Variants in REPS2 observed in about 807,000 individuals in gnomAD.
REPS2 encodes ralBP1-associated Eps domain-containing protein 2.
REPS2 carries 23 observed loss-of-function variants against 53.6 expected under a neutral mutation model. That is an observed-to-expected ratio of 0.43 (90% CI 0.31 to 0.61). REPS2 has a LOEUF of 0.61. Ranked by LOEUF, REPS2 falls within the 20% of genes least tolerant of loss-of-function variation. The pLI is 0.11. For synonymous variants in REPS2, 238 were observed against 218.6 expected (o/e 1.09, Z -0.78); for missense variants, 446 against 534.9 (o/e 0.83, Z 1.64).
chrX:17,006,257 T>A lies in REPS2; in HGVS notation c.310T>A (p.Phe104Ile), dbSNP rs1426550935. Residue 104 changes from phenylalanine (F) to isoleucine (I), a missense_variant, in exon 2 of 18, where the codon TTT becomes ATT. Phe to Ile is a conservative substitution (Grantham distance 21). Transcript: ENST00000357277. ...GTGTGGTGCAAAGCGGGTTGGTTAT[T>A]TTGGTCCAACACAGTTTTACATTGC... ...ELCGAKRVGY[F>I]GPTQFYIALK... 2.5e-6 allele frequency: 3 copies of A among 1,210,623 alleles called. No homozygotes were observed. Among genetic ancestry groups the A allele is most frequent in the Non-Finnish European group, 2.2e-6 (2 of 894,276 alleles).
the REPS2 span, among the ~76,000 whole-genome samples, chrX:17,192,192 GC>G: frequency 2.7e-5 from 3 of 112,613 alleles, no homozygotes; most frequent in Non-Finnish European, 3.7e-5. Flanking sequence ...CGATGTGTGT[GC>G]GTGTGTGTGT....
chrX:16,982,708 G>A (rs1243156219), intron 1 of REPS2, among the ~76,000 whole-genome samples: 1 of 112,041 alleles, frequency 8.9e-6, no homozygotes, highest in Non-Finnish European at 1.9e-5. Context: ...GTGAGGGGAA[G>A]TGATGTGTGC....
intron 13 of REPS2, among the ~76,000 whole-genome samples, chrX:17,088,715 C>A (rs1342817040): frequency 9.2e-6 from 1 of 108,821 alleles, no homozygotes; most frequent in African/African-American, 3.4e-5. Flanking sequence ...TCCCGAGTAG[C>A]TGGGACTACA....
At chrX:17,104,284 G>A (rs188656426) in intron 14 of REPS2, among the ~76,000 whole-genome samples, 9 of 111,872 alleles carry the variant, frequency 8.0e-5, no homozygotes, top group Admixed American at 2.8e-4. Context: ...GATAGCAGGA[G>A]GGGGAGAACA....
chrX:17,140,735 ATATTATTATTAT>A (rs199967140), intron 17 of REPS2, among the ~76,000 whole-genome samples: 2,681 of 89,603 alleles, frequency 0.03, 49 homozygotes, highest in African/African-American at 0.065. Flanking sequence ...GCATGCACAA[ATATTATTATTAT>A]TATTATTATT....
intron 14 of REPS2, among the ~76,000 whole-genome samples, chrX:17,117,741 G>T (rs1273245787): frequency 2.7e-5 from 3 of 109,392 alleles, no homozygotes; most frequent in African/African-American, 6.7e-5. Context: ...ACATACGTGT[G>T]CATGTGTCTT....
At chrX:17,071,417 A>T (rs759556895) in intron 11 of REPS2, among the ~76,000 whole-genome samples, 3 of 107,006 alleles carry the variant, frequency 2.8e-5, no homozygotes, top group Non-Finnish European at 3.8e-5. Flanking sequence ...CCTCTGGGGC[A>T]TGAGCTTTAG....
chrX:17,006,297 C>T lies in REPS2; in HGVS notation c.350C>T (p.Ala117Val). The change falls in exon 2 of 18, where the codon GCT becomes GTT. Residue 117 changes from alanine to valine, a missense_variant. Physicochemically the swap from Ala to Val is moderately conservative, Grantham distance 64. Transcript: ENST00000357277. ...TQFYIALKLI[A>V]AAQSGLPVRI... is the part of the protein sequence containing the mutation. ...TTTTACATTGCCCTGAAATTAATTG[C>T]TGCAGCACAATCTGGCCTCCCGGTA... 8.3e-7 allele frequency: 1 copy of T among 1,209,703 alleles called. No homozygotes were observed. Among genetic ancestry groups the T allele is most frequent in the Non-Finnish European group, 1.1e-6 (1 of 893,553 alleles).
chrX:17,096,736 AC>A (rs963733367), intron 13 of REPS2, among the ~76,000 whole-genome samples: 3 of 110,021 alleles, frequency 2.7e-5, no homozygotes, highest in Non-Finnish European at 5.7e-5. Context: ...AATGAAAAAA[AC>A]ATTTTCAAAA....
At chrX:17,182,184 ATCTATC>A in the REPS2 span, among the ~76,000 whole-genome samples, 6 of 108,336 alleles carry the variant, frequency 5.5e-5, no homozygotes, top group Non-Finnish European at 7.7e-5. Context: ...CTATCTATCT[ATCTATC>A]ATCTATCTAT....
intron 17 of REPS2, among the ~76,000 whole-genome samples, chrX:17,141,662 C>T (rs777359548): frequency 9.8e-5 from 11 of 111,811 alleles, no homozygotes; most frequent in Admixed American, 1.9e-4. Context: ...CCAATTGTTC[C>T]GCGTCTTTGC....
chrX:17,055,809 A>G (rs1311884987), intron 8 of REPS2, among the ~76,000 whole-genome samples: 1 of 76,548 alleles, frequency 1.3e-5, no homozygotes, highest in Non-Finnish European at 2.4e-5. Context: ...GGACACAGGA[A>G]GGGGAATATC....
At chrX:17,167,849 G>A in the REPS2 span, among the ~76,000 whole-genome samples, 2 of 110,268 alleles carry the variant, frequency 1.8e-5, no homozygotes, top group African/African-American at 6.6e-5. Flanking sequence ...GGAGCTTGTA[G>A]TTCAGCAGGG....
intron 1 of REPS2, among the ~76,000 whole-genome samples, chrX:16,984,791 G>T (rs1460065705): frequency 9.1e-6 from 1 of 110,037 alleles, no homozygotes; most frequent in Non-Finnish European, 1.9e-5. Flanking sequence ...ATCCTGAAAA[G>T]TTTGGTCTGA....
chrX:16,967,973 G>A (rs1347491884), intron 1 of REPS2, among the ~76,000 whole-genome samples: 1 of 110,613 alleles, frequency 9.0e-6, no homozygotes, highest in Non-Finnish European at 1.9e-5. Flanking sequence ...GTTTTCCTAG[G>A]CAGAGGACTC....
chrX:16,969,524 G>A (rs946629371), intron 1 of REPS2, among the ~76,000 whole-genome samples: 3 of 108,300 alleles, frequency 2.8e-5, no homozygotes, highest in Non-Finnish European at 1.9e-5. Context: ...AGGAGCTGGA[G>A]ACCAGCCCGG....
intron 1 of REPS2, among the ~76,000 whole-genome samples, chrX:17,004,264 T>C (rs1308315263): frequency 1.8e-5 from 2 of 111,443 alleles, no homozygotes; most frequent in Non-Finnish European, 3.8e-5. Context: ...TCTCCACTAA[T>C]TGAGTATCTG....
At chrX:16,948,110 AT>A (rs1288400745) in intron 1 of REPS2, among the ~76,000 whole-genome samples, 1 of 112,304 alleles carries the variant, frequency 8.9e-6, no homozygotes, top group Middle Eastern at 4.2e-3. Flanking sequence ...CCAATGGAAT[AT>A]TTAGAGTGGC....
chrX:17,143,632 T>C (rs1200325194), intron 17 of REPS2, among the ~76,000 whole-genome samples: 1 of 111,250 alleles, frequency 9.0e-6, no homozygotes, highest in Non-Finnish European at 1.9e-5. Flanking sequence ...TCTTCTGTTT[T>C]CTTTCTTTTC....
Sources: gnomAD v4.1 joint callset for allele counts (sites outside exome capture counted in the v4.1 genomes callset) on GRCh38, gnomAD v4.1.1 for gene constraint, MANE v1.5 for transcripts, NCBI Gene and HGNC (gene_info 2026-07-23, HGNC 2026-07-21) for gene names.